Variants in RIMS2 observed in about 807,000 individuals in gnomAD.
RIMS2 encodes the protein regulating synaptic membrane exocytosis protein 2.
A neutral mutation model predicts 174.4 loss-of-function variants in RIMS2; 59 were observed. The ratio of observed to expected loss-of-function variants is 0.34; its 90% CI spans 0.27 to 0.42. RIMS2 has a LOEUF of 0.42. Ranked by LOEUF, RIMS2 falls within the 10% of genes least tolerant of loss-of-function variation. The pLI, the probability that RIMS2 is intolerant of heterozygous loss-of-function variation, is 1.00. For missense variants in RIMS2, 1,620 were observed against 1,666.3 expected, an observed-to-expected ratio of 0.97 and a Z score of 0.48; for synonymous variants, 606 against 572.5, an observed-to-expected ratio of 1.06 and a Z score of -0.84.
intron 1 of RIMS2, 125 bp from the exon 3 acceptor site, chr8:103,652,499 T>G (rs1336177139): frequency 2.2e-6 from 1 of 461,380 alleles, no homozygotes; most frequent in Non-Finnish European, 3.8e-6. Flanking sequence ...TGGATGATAA[T>G]TGGAGCTCAC....
intron 1 of RIMS2, among the ~76,000 whole-genome samples, chr8:103,640,499 A>G (rs1388610636): frequency 6.6e-6 from 1 of 152,044 alleles, no homozygotes; most frequent in African/African-American, 2.4e-5. Context: ...ATGCATTAAA[A>G]TGCTAGAAAT....
At chr8:104,056,603 T>A (rs917398370) in intron 19 of RIMS2, among the ~76,000 whole-genome samples, 3 of 152,176 alleles carry the variant, frequency 2.0e-5, no homozygotes, top group Non-Finnish European at 4.4e-5. Context: ...TTTCTTTAGC[T>A]GGGCACAGTG....
chr8:104,042,753 A>G (rs1482833633), intron 19 of RIMS2, among the ~76,000 whole-genome samples: 3 of 151,676 alleles, frequency 2.0e-5, no homozygotes, highest in Non-Finnish European at 4.4e-5. Context: ...ATATTCAAGT[A>G]TAAATATCTT....
chr8:103,532,897 A>G (rs1030088395), intron 1 of RIMS2, among the ~76,000 whole-genome samples: 4 of 152,234 alleles, frequency 2.6e-5, no homozygotes, highest in African/African-American at 9.6e-5. Flanking sequence ...ATGGACTTCA[A>G]ATGTGACTTT....
intron 3 of RIMS2, among the ~76,000 whole-genome samples, chr8:103,855,664 G>GT (rs951269704): frequency 6.6e-6 from 1 of 151,984 alleles, no homozygotes; most frequent in African/African-American, 2.4e-5. Context: ...AATTTGAGTA[G>GT]TTTTTGAGAG....
At chr8:103,605,688 G>C (rs919564580) in intron 1 of RIMS2, among the ~76,000 whole-genome samples, 1 of 152,156 alleles carries the variant, frequency 6.6e-6, no homozygotes, top group Non-Finnish European at 1.5e-5. Context: ...TCCTGTTATT[G>C]ATCTGTTCAG....
chr8:103,972,625 A>G lies in RIMS2; in HGVS notation c.2771-2725A>G, dbSNP rs75558347. Among the ~76,000 whole-genome samples the G allele has an allele frequency of 6.9e-4, 105 of 152,156 alleles. No homozygotes were observed. In the East Asian group the frequency reaches 0.015, roughly 21 times the overall value. Reference sequence around the variant, plus strand: ...TCACTTGCTCCACTCCAAGCACCCTATCCTCCTTGCTGTTCTGTGAACATG... The same window carrying G: ...TCACTTGCTCCACTCCAAGCACCCTGTCCTCCTTGCTGTTCTGTGAACATG... On this transcript the variant is annotated intron_variant, in intron 15 of 23. Transcript: ENST00000504942.
At chr8:103,578,904 A>G (rs1453800732) in intron 1 of RIMS2, among the ~76,000 whole-genome samples, 6 of 152,128 alleles carry the variant, frequency 3.9e-5, no homozygotes, top group Non-Finnish European at 2.9e-5. Context: ...AGGCAGGAGA[A>G]TCACCCAACT....
chr8:103,564,081 C>T (rs2092010218), intron 1 of RIMS2, among the ~76,000 whole-genome samples: 1 of 152,222 alleles, frequency 6.6e-6, no homozygotes, highest in Admixed American at 6.5e-5. Context: ...CATTGTTGCA[C>T]TGCAGTGTCT....
At chr8:103,758,803 CT>C (rs2098067149) in intron 2 of RIMS2, among the ~76,000 whole-genome samples, 1 of 152,096 alleles carries the variant, frequency 6.6e-6, no homozygotes, top group Admixed American at 6.5e-5. Flanking sequence ...CATAAAACAA[CT>C]TACTTACAAA....
intron 1 of RIMS2, among the ~76,000 whole-genome samples, chr8:103,600,165 C>T (rs1168829735): frequency 6.6e-6 from 1 of 152,170 alleles, no homozygotes; most frequent in Non-Finnish European, 1.5e-5. Flanking sequence ...CTTTCCGTGC[C>T]TGTCTTACCC....
chr8:104,014,633 T>A lies in RIMS2; in HGVS notation c.3334+18T>A, dbSNP rs370509697. On this transcript the variant is annotated intron_variant, in intron 19 of 23. Transcript: ENST00000504942. ...GGATAGAAGTAAGTTTTATTTCTAA[T>A]TGTCTCGTTTAGGAAATACACATGG... is the stretch of plus-strand genomic sequence containing the variant. 2.0e-5 allele frequency: 30 copies of A among 1,475,988 alleles called. No individual in the cohort carries two copies. Among genetic ancestry groups the A allele is most frequent in the Non-Finnish European group, 2.7e-5 (29 of 1,055,252 alleles). The allele number at this position is 1,475,988 out of a possible 1,614,324, so 91.4% of individuals were successfully genotyped here.
intron 19 of RIMS2, among the ~76,000 whole-genome samples, chr8:104,133,999 G>A (rs982588514): frequency 1.3e-5 from 2 of 151,952 alleles, no homozygotes; most frequent in Admixed American, 6.6e-5. Context: ...TCAGAAAGAA[G>A]CTCAGCCTAC....
At chr8:103,852,896 T>C (rs924189923) in intron 3 of RIMS2, among the ~76,000 whole-genome samples, 1 of 152,088 alleles carries the variant, frequency 6.6e-6, no homozygotes, top group African/African-American at 2.4e-5. Flanking sequence ...GGTATAATGA[T>C]CTATTTTCCT....
At position 104,100,963 on chromosome 8, in the gene RIMS2, T is replaced by TGA. The variant is rs1555225608; in HGVS notation, c.3334+86348_3334+86349insGA. On this transcript the variant is annotated intron_variant, in intron 19 of 23. Transcript: ENST00000504942. Reference sequence around the variant, plus strand: ...TATATTATATAGTATATATGATATATTATATAGTATATATGATATATTATA... The same window carrying TGA: ...TATATTATATAGTATATATGATATATGATATATAGTATATATGATATATTATA... Among the ~76,000 whole-genome samples the TGA allele has an allele frequency of 8.1e-3, 1,022 of 125,696 alleles. 17 individuals are homozygous for TGA. The highest frequency in any genetic ancestry group is 0.03 in the African/African-American group (948 of 31,774). The allele number at this position is 125,696 out of a possible 152,430, so 82.5% of individuals were successfully genotyped here.
chr8:103,609,572 C>G (rs28862332), intron 1 of RIMS2, among the ~76,000 whole-genome samples: 27,720 of 152,086 alleles, frequency 0.18, 2,774 homozygotes, highest in African/African-American at 0.26. Flanking sequence ...TTTCTGCAAA[C>G]ACTATAGTCA....
At chr8:104,008,634 T>C (rs1413871780) in intron 17 of RIMS2, among the ~76,000 whole-genome samples, 1 of 151,922 alleles carries the variant, frequency 6.6e-6, no homozygotes, top group Non-Finnish European at 1.5e-5. Context: ...TAAATACCTT[T>C]GTAGATGTGA....
intron 1 of RIMS2, among the ~76,000 whole-genome samples, chr8:103,557,215 G>T: frequency 6.6e-6 from 1 of 152,142 alleles, no homozygotes; most frequent in East Asian, 1.9e-4. Flanking sequence ...CTGATCCTTA[G>T]TGATTACCAA....
At chr8:104,135,083 A>G (rs1481206777) in intron 19 of RIMS2, among the ~76,000 whole-genome samples, 2 of 152,168 alleles carry the variant, frequency 1.3e-5, no homozygotes, top group African/African-American at 4.8e-5. Flanking sequence ...CTTCATGTAT[A>G]TGGTATAAGG....
Sources: allele counts gnomAD v4.1 joint callset (sites outside exome capture counted in the v4.1 genomes callset), GRCh38; gene constraint gnomAD v4.1.1; transcripts MANE v1.5; gene names NCBI Gene and HGNC (gene_info 2026-07-23, HGNC 2026-07-21).